Variants in ARHGAP39 observed in about 807,000 individuals in gnomAD.
ARHGAP39 encodes rho GTPase-activating protein 39.
A neutral mutation model predicts 106.9 loss-of-function variants in ARHGAP39; 44 were observed. The observed-to-expected ratio is 0.41, with a 90% CI of 0.32 to 0.53. The LOEUF (loss-of-function observed/expected upper bound fraction) is 0.53, where lower values mean the gene tolerates loss of function less well. Among genes scored for constraint, ARHGAP39 ranks in the 20% least tolerant of loss-of-function variants. ARHGAP39 has a pLI of 0.21. For synonymous variants in ARHGAP39, 768 were observed against 693.2 expected (o/e 1.11, Z -1.69); for missense variants, 1,496 against 1,577.3 (o/e 0.95, Z 0.87).
At chr8:144,588,337 G>C (rs532956794) in intron 2 of ARHGAP39, among the ~76,000 whole-genome samples, 1 of 152,378 alleles carries the variant, frequency 6.6e-6, no homozygotes, top group East Asian at 1.9e-4. Context: ...CAAAACCAAC[G>C]GTGATGCCAG....
chr8:144,532,826 C>T (rs912397752), intron 9 of ARHGAP39, among the ~76,000 whole-genome samples: 3 of 152,206 alleles, frequency 2.0e-5, no homozygotes, highest in Admixed American at 2.0e-4. Context: ...CTGAGGCTCC[C>T]ACTCCAGGCT....
intron 1 of ARHGAP39, among the ~76,000 whole-genome samples, chr8:144,620,921 T>C (rs1182793456): frequency 1.3e-5 from 2 of 152,198 alleles, no homozygotes; most frequent in African/African-American, 4.8e-5. Context: ...GGGAAGGAAC[T>C]GGGAAACTGA....
At chr8:144,649,758 A>G (rs1165104862) in intron 1 of ARHGAP39, among the ~76,000 whole-genome samples, 2 of 152,162 alleles carry the variant, frequency 1.3e-5, no homozygotes, top group African/African-American at 2.4e-5. Context: ...ATAAATAAAA[A>G]GCAATGATGA....
intron 4 of ARHGAP39, among the ~76,000 whole-genome samples, chr8:144,551,902 CCCAGCTCGTT>C (rs1426980034): frequency 2.6e-5 from 4 of 152,218 alleles, no homozygotes; most frequent in African/African-American, 9.6e-5. Context: ...TCTTCCCGAG[CCCAGCTCGTT>C]CCCATCTCTC....
intron 3 of ARHGAP39, among the ~76,000 whole-genome samples, chr8:144,573,685 AAAG>A (rs1395582577): frequency 1.3e-5 from 2 of 152,224 alleles, no homozygotes; most frequent in Non-Finnish European, 2.9e-5. Flanking sequence ...GGCACAACAA[AAAG>A]AAAACAGAAA....
Position 144,601,207 on chromosome 8 carries a change from C to A in ARHGAP39, c.80+4328G>T, listed in dbSNP as rs564588115. Among the ~76,000 whole-genome samples, 660 of 121,426 alleles carry A rather than the reference C, an allele frequency of 5.4e-3. 5 individuals carry two copies. The highest frequency in any genetic ancestry group is 0.019 in the African/African-American group (601 of 31,080). The allele number at this position is 121,426 out of a possible 152,430, so 79.7% of individuals were successfully genotyped here. On this transcript the variant is annotated intron_variant, in intron 2 of 11. Transcript: ENST00000377307. The stretch of plus-strand genomic sequence containing the variant: ...AAGCTCGTGTACCTGTGTGCATGTG[C>A]GTGGAGGTGCGTGTGCAAGCTCATG...
At chr8:144,589,749 C>T (rs1045580112) in intron 2 of ARHGAP39, among the ~76,000 whole-genome samples, 1 of 152,240 alleles carries the variant, frequency 6.6e-6, no homozygotes, top group Non-Finnish European at 1.5e-5. Flanking sequence ...CCAAGACGAG[C>T]TCGGAGGCCT....
chr8:144,602,903 CTGTG>C (rs201798595), intron 2 of ARHGAP39, among the ~76,000 whole-genome samples: 43 of 93,384 alleles, frequency 4.6e-4, no homozygotes, highest in Non-Finnish European at 7.2e-4. Flanking sequence ...GCTCATGTAC[CTGTG>C]TGTGTGTGCG....
intron 1 of ARHGAP39, among the ~76,000 whole-genome samples, chr8:144,610,581 G>C (rs1360745695): frequency 6.6e-6 from 1 of 151,830 alleles, no homozygotes; most frequent in African/African-American, 2.4e-5. Context: ...GCGTGGTGGC[G>C]GGCGCCTGTA....
At chr8:144,573,701 A>G (rs1818666009) in intron 3 of ARHGAP39, among the ~76,000 whole-genome samples, 1 of 152,224 alleles carries the variant, frequency 6.6e-6, no homozygotes, top group Admixed American at 6.5e-5. Context: ...AACAGAAATT[A>G]TCCTTTTGAA....
chr8:144,668,020 CTT>C (rs112776164), intron 1 of ARHGAP39, among the ~76,000 whole-genome samples: 30 of 146,144 alleles, frequency 2.1e-4, no homozygotes, highest in South Asian at 6.6e-4. Context: ...TGTTCACAGC[CTT>C]TTTTTTTTTT....
chr8:144,540,176 T>A (rs968883176), intron 6 of ARHGAP39, among the ~76,000 whole-genome samples: 2 of 152,192 alleles, frequency 1.3e-5, no homozygotes, highest in Admixed American at 1.3e-4. Flanking sequence ...GGCAGAAGGA[T>A]CACTTGAGGC....
chr8:144,637,945 T>G (rs1044370062), intron 1 of ARHGAP39, among the ~76,000 whole-genome samples: 1 of 151,942 alleles, frequency 6.6e-6, no homozygotes, highest in Non-Finnish European at 1.5e-5. Flanking sequence ...TCCTCCTTCC[T>G]CAGCCTCTCA....
chr8:144,685,142 G>A (rs988088384), intron 1 of ARHGAP39, among the ~76,000 whole-genome samples: 1 of 151,264 alleles, frequency 6.6e-6, no homozygotes, highest in Non-Finnish European at 1.5e-5. Context: ...TCTAGGGCCG[G>A]GCACACTCAC....
intron 1 of ARHGAP39, among the ~76,000 whole-genome samples, chr8:144,630,438 G>A (rs1042107417): frequency 3.3e-5 from 5 of 152,300 alleles, no homozygotes; most frequent in African/African-American, 1.2e-4. Flanking sequence ...CCCAGCCCTG[G>A]CCCCCAGCTT....
At chr8:144,535,767 T>C (rs1414476604) in intron 7 of ARHGAP39, among the ~76,000 whole-genome samples, 1 of 152,140 alleles carries the variant, frequency 6.6e-6, no homozygotes, top group Non-Finnish European at 1.5e-5. Context: ...GTGACTGGGA[T>C]ACACTGGGGC....
intron 1 of ARHGAP39, among the ~76,000 whole-genome samples, chr8:144,618,197 G>A (rs762355859): frequency 2.6e-5 from 4 of 152,186 alleles, no homozygotes; most frequent in Non-Finnish European, 4.4e-5. Context: ...TGCCTGCATG[G>A]CAAAGCCCAC....
chr8:144,675,939 A>G (rs1339582071), intron 1 of ARHGAP39, among the ~76,000 whole-genome samples: 1 of 149,172 alleles, frequency 6.7e-6, no homozygotes, highest in East Asian at 2.0e-4. Flanking sequence ...TGAAGATAGC[A>G]TGTCCAGAGT....
At chr8:144,693,110 G>A in the ARHGAP39 span, among the ~76,000 whole-genome samples, 14 of 131,574 alleles carry the variant, frequency 1.1e-4, no homozygotes, top group Non-Finnish European at 1.6e-4. Context: ...TGTCACCCAG[G>A]CTGGAGAGCA....
Sources: allele counts gnomAD v4.1 joint callset (sites outside exome capture counted in the v4.1 genomes callset), GRCh38; gene constraint gnomAD v4.1.1; transcripts MANE v1.5; gene names NCBI Gene and HGNC (gene_info 2026-07-23, HGNC 2026-07-21).